Variants in RALA observed in about 807,000 individuals in gnomAD.
The protein encoded by RALA is ras-related protein Ral-A.
RALA carries 5 observed loss-of-function variants against 24.0 expected under a neutral mutation model. The observed-to-expected ratio is 0.21, with a 90% CI of 0.11 to 0.44. The LOEUF is 0.44. RALA is among the 20% of genes least tolerant of loss of function. The pLI is 0.99. For synonymous variants in RALA, 77 were observed against 83.8 expected (o/e 0.92, Z 0.44); for missense variants, 95 against 241.2 (o/e 0.39, Z 4.01).
chr7:39,697,543 GTCTT>G (rs1374761797), intron 4 of RALA: 3 of 436,654 alleles, frequency 6.9e-6, no homozygotes, highest in African/African-American at 6.1e-5. Flanking sequence ...TCCAAGTGGG[GTCTT>G]TCTTCAGCCT....
At chr7:39,642,579 T>C (rs1791837655) in intron 1 of RALA, among the ~76,000 whole-genome samples, 1 of 152,202 alleles carries the variant, frequency 6.6e-6, no homozygotes, top group Non-Finnish European at 1.5e-5. Context: ...CTTCACACTC[T>C]TTACAAAAAT....
Position 39,707,543 on chromosome 7 carries a change from A to G in RALA, c.*1298A>G, listed in dbSNP as rs1439246320. 1 of 152,210 alleles carries G rather than the reference A, an allele frequency of 6.6e-6. No homozygotes were observed. Among genetic ancestry groups the G allele is most frequent in the East Asian group, 1.9e-4 (1 of 5,202 alleles). The allele number at this position is 152,210 out of a possible 1,614,324, so 9.4% of individuals were successfully genotyped here. On this transcript the variant is annotated 3_prime_UTR_variant, in exon 5 of 5. Transcript: ENST00000005257. ...CACCATTGTGTGGTGTACCTGCTGG[A>G]AGAATTCTAGCATGCTACTTGGGGA... is the stretch of plus-strand genomic sequence containing the variant.
At chr7:39,660,022 C>T (rs577915707) in intron 1 of RALA, among the ~76,000 whole-genome samples, 10 of 152,112 alleles carry the variant, frequency 6.6e-5, no homozygotes, top group African/African-American at 1.9e-4. Context: ...GCCCATGGCC[C>T]CCTCTTTAAA....
intron 1 of RALA, among the ~76,000 whole-genome samples, chr7:39,663,546 G>A (rs1259236923): frequency 2.0e-5 from 3 of 151,670 alleles, no homozygotes; most frequent in Non-Finnish European, 4.4e-5. Context: ...AAGTTTAATT[G>A]CCTGATATGT....
At position 39,666,184 on chromosome 7, in the gene RALA, A is replaced by G. The variant is rs533984371; in HGVS notation, c.-37-20447A>G. ...TGTGACTGGTTGACTACTTTGTTTAAGATAGTCCTAGAAGAGAGTAAAAAT... is the reference window on the plus strand; with the variant it reads ...TGTGACTGGTTGACTACTTTGTTTAGGATAGTCCTAGAAGAGAGTAAAAAT... On this transcript the variant is annotated intron_variant, in intron 1 of 4. Transcript: ENST00000005257. Among the ~76,000 whole-genome samples the G allele has an allele frequency of 5.3e-5, 8 of 152,058 alleles. No homozygotes were observed. The South Asian group carries it at 1.7e-3, about 32-fold the overall frequency.
chr7:39,693,293 T>C (rs1287435464), intron 3 of RALA, among the ~76,000 whole-genome samples: 1 of 152,082 alleles, frequency 6.6e-6, no homozygotes, highest in African/African-American at 2.4e-5. Context: ...CTGGAAACCA[T>C]CATTCTGAGC....
chr7:39,657,008 C>A (rs1398080088), intron 1 of RALA, among the ~76,000 whole-genome samples: 1 of 152,134 alleles, frequency 6.6e-6, no homozygotes, highest in African/African-American at 2.4e-5. Flanking sequence ...TGCTCGGTCA[C>A]CCAGGCTGGA....
intron 4 of RALA, among the ~76,000 whole-genome samples, chr7:39,701,174 A>G (rs973328819): frequency 2.0e-5 from 3 of 152,070 alleles, no homozygotes; most frequent in Non-Finnish European, 2.9e-5. Context: ...GGTCTGGCCA[A>G]CTCTGGCGCT....
At chr7:39,641,329 C>T (rs1347984530) in intron 1 of RALA, among the ~76,000 whole-genome samples, 11 of 152,130 alleles carry the variant, frequency 7.2e-5, no homozygotes, top group Non-Finnish European at 7.4e-5. Flanking sequence ...CTAATAGCAC[C>T]ATTTTCATAT....
intron 3 of RALA, among the ~76,000 whole-genome samples, chr7:39,693,118 T>C (rs1020058452): frequency 1.3e-5 from 2 of 152,208 alleles, no homozygotes; most frequent in East Asian, 1.9e-4. Context: ...CACATGCACA[T>C]GTATGTTTAC....
At chr7:39,664,818 A>G (rs1792255826) in intron 1 of RALA, among the ~76,000 whole-genome samples, 2 of 151,670 alleles carry the variant, frequency 1.3e-5, no homozygotes. Context: ...AAAAAAAAAA[A>G]TAGTGGGAGG....
At chr7:39,633,309 A>G (rs1365890656) in intron 1 of RALA, among the ~76,000 whole-genome samples, 1 of 152,252 alleles carries the variant, frequency 6.6e-6, no homozygotes, top group African/African-American at 2.4e-5. Context: ...ACAGTTCCAC[A>G]TGGCTGGGGA....
chr7:39,644,765 A>C (rs1232564310), intron 1 of RALA, among the ~76,000 whole-genome samples: 2 of 152,330 alleles, frequency 1.3e-5, no homozygotes, highest in East Asian at 3.9e-4. Context: ...TTCAACCAAA[A>C]AAGATTAGGT....
At chr7:39,705,288 C>T (rs1391746546) in intron 4 of RALA, among the ~76,000 whole-genome samples, 2 of 152,112 alleles carry the variant, frequency 1.3e-5, no homozygotes, top group East Asian at 1.9e-4. Flanking sequence ...CACTCATTGT[C>T]GCTTTCATAT....
chr7:39,631,011 G>GTTTT (rs70996823), intron 1 of RALA, among the ~76,000 whole-genome samples: 1 of 139,238 alleles, frequency 7.2e-6, no homozygotes, highest in African/African-American at 2.6e-5. Flanking sequence ...TTTTGTTTTT[G>GTTTT]TTTTTTTTTT....
rs759651782 is a variant in RALA, at chr7:39,686,763, A to G, written c.96A>G (p.Leu32=). Reference sequence around the variant, plus strand: ...GCGTGGGCAAGTCAGCTCTGACTCTACAGTTCATGTACGATGAGGTAAGTG... The same window carrying G: ...GCGTGGGCAAGTCAGCTCTGACTCTGCAGTTCATGTACGATGAGGTAAGTG... ...SGGVGKSALT[L]QFMYDEFVED... is the part of the protein sequence containing the mutation. Residue 32 remains leucine (L), a synonymous_variant, in exon 2 of 5, where the codon CTA becomes CTG. Transcript: ENST00000005257. 3.1e-6 allele frequency: 5 copies of G among 1,613,440 alleles called. No homozygotes were observed. Among genetic ancestry groups the G allele is most frequent in the East Asian group, 2.2e-5 (1 of 44,882 alleles).
At chr7:39,629,773 T>C (rs1791559101) in intron 1 of RALA, among the ~76,000 whole-genome samples, 1 of 152,164 alleles carries the variant, frequency 6.6e-6, no homozygotes, top group African/African-American at 2.4e-5. Context: ...TTTTTTGTAC[T>C]TTTAGTAGAG....
chr7:39,637,650 G>T (rs73381129), intron 1 of RALA, among the ~76,000 whole-genome samples: 1 of 152,126 alleles, frequency 6.6e-6, no homozygotes, highest in Admixed American at 6.5e-5. Flanking sequence ...CTTTCTAAAT[G>T]CACAGATAAC....
chr7:39,634,321 C>T (rs1007569539), intron 1 of RALA, among the ~76,000 whole-genome samples: 3 of 152,116 alleles, frequency 2.0e-5, no homozygotes, highest in Admixed American at 2.0e-4. Flanking sequence ...GTCTTGCTGC[C>T]TCACTGGTAT....
Sources: gnomAD v4.1 joint callset for allele counts (sites outside exome capture counted in the v4.1 genomes callset) on GRCh38, gnomAD v4.1.1 for gene constraint, MANE v1.5 for transcripts, NCBI Gene and HGNC (gene_info 2026-07-23, HGNC 2026-07-21) for gene names.